The following CDH12 variants were observed in gnomAD, a reference collection of about 807,000 sequenced individuals.
CDH12 encodes the protein cadherin 12, also known as cadherin-12.
A neutral mutation model predicts 74.1 loss-of-function variants in CDH12; 41 were observed. The ratio of observed to expected loss-of-function variants is 0.55; its 90% CI spans 0.43 to 0.72. The LOEUF is 0.72. Ranked by LOEUF, CDH12 falls within the 30% of genes least tolerant of loss-of-function variation. CDH12 has a pLI of 0.00. For synonymous variants in CDH12, 399 were observed against 355.0 expected (o/e 1.12, Z -1.39); for missense variants, 945 against 977.2 (o/e 0.97, Z 0.44).
At chr5:21,913,088 C>T (rs1753934223) in intron 6 of CDH12, among the ~76,000 whole-genome samples, 1 of 152,130 alleles carries the variant, frequency 6.6e-6, no homozygotes, top group African/African-American at 2.4e-5. Context: ...TGTGATCTGC[C>T]GGCCTTGGCC....
At chr5:21,940,009 T>C (rs1482880595) in intron 6 of CDH12, among the ~76,000 whole-genome samples, 1 of 152,050 alleles carries the variant, frequency 6.6e-6, no homozygotes, top group Non-Finnish European at 1.5e-5. Flanking sequence ...CCACTTGAAG[T>C]CAGGAGTTTT....
chr5:22,243,995 G>T (rs2150382356), intron 3 of CDH12, among the ~76,000 whole-genome samples: 1 of 152,174 alleles, frequency 6.6e-6, no homozygotes, highest in East Asian at 1.9e-4. Flanking sequence ...GGATCTTAAA[G>T]AGTCTTGTGT....
intron 1 of CDH12, among the ~76,000 whole-genome samples, chr5:22,539,302 G>C (rs1737995113): frequency 6.6e-6 from 1 of 152,164 alleles, no homozygotes; most frequent in Non-Finnish European, 1.5e-5. Context: ...CACTCAAAGG[G>C]AGACACTTCA....
chr5:22,308,658 A>C (rs1453258849), intron 3 of CDH12, among the ~76,000 whole-genome samples: 1 of 152,194 alleles, frequency 6.6e-6, no homozygotes, highest in Non-Finnish European at 1.5e-5. Context: ...GAGATAATTC[A>C]GGATAATCTC....
At chr5:22,432,610 G>A (rs1247055415) in intron 2 of CDH12, among the ~76,000 whole-genome samples, 1 of 151,874 alleles carries the variant, frequency 6.6e-6, no homozygotes, top group East Asian at 1.9e-4. Context: ...AGTCGTGATT[G>A]ACAAGAATTA....
chr5:22,028,843 G>A (rs1437544002), intron 5 of CDH12, among the ~76,000 whole-genome samples: 8 of 152,034 alleles, frequency 5.3e-5, no homozygotes, highest in South Asian at 4.2e-4. Flanking sequence ...GAGGCATCAC[G>A]CTACCTCACT....
At chr5:22,047,476 C>G (rs1428691546) in intron 5 of CDH12, among the ~76,000 whole-genome samples, 1 of 151,910 alleles carries the variant, frequency 6.6e-6, no homozygotes, top group Non-Finnish European at 1.5e-5. Flanking sequence ...GTCTCCATAC[C>G]TATATTTTAT....
At chr5:21,968,794 G>A (rs771642303) in intron 6 of CDH12, among the ~76,000 whole-genome samples, 1 of 152,058 alleles carries the variant, frequency 6.6e-6, no homozygotes, top group Non-Finnish European at 1.5e-5. Context: ...ATACTATGCC[G>A]CCACAAAAAG....
chr5:21,783,759 A>G (rs1441151954), intron 10 of CDH12, among the ~76,000 whole-genome samples: 6 of 152,168 alleles, frequency 3.9e-5, no homozygotes, highest in African/African-American at 1.2e-4. Context: ...CTAAAATTCT[A>G]AAGCTGACCA....
intron 3 of CDH12, among the ~76,000 whole-genome samples, chr5:22,266,258 T>G (rs1308848377): frequency 6.6e-6 from 1 of 151,952 alleles, no homozygotes; most frequent in Admixed American, 6.6e-5. Context: ...GTATTTTTAG[T>G]AGAGACGGGG....
At chr5:21,824,396 T>A (rs1240458742) in intron 8 of CDH12, among the ~76,000 whole-genome samples, 14 of 152,048 alleles carry the variant, frequency 9.2e-5, no homozygotes, top group African/African-American at 3.4e-4. Flanking sequence ...TGCCTCTGCT[T>A]TGATGGACTA....
At chr5:22,517,438 T>A (rs984213960) in intron 1 of CDH12, among the ~76,000 whole-genome samples, 36 of 152,190 alleles carry the variant, frequency 2.4e-4, no homozygotes, top group Admixed American at 2.3e-3. Flanking sequence ...CTGAAAATAT[T>A]GAAGTTCAAA....
chr5:22,526,697 T>C (rs1178352256), intron 1 of CDH12, among the ~76,000 whole-genome samples: 2 of 152,134 alleles, frequency 1.3e-5, no homozygotes, highest in Non-Finnish European at 2.9e-5. Flanking sequence ...TAGGATATGG[T>C]GGGAATCACT....
At chr5:22,624,349 A>T (rs1738155764) in intron 1 of CDH12, among the ~76,000 whole-genome samples, 1 of 152,198 alleles carries the variant, frequency 6.6e-6, no homozygotes, top group African/African-American at 2.4e-5. Flanking sequence ...AGCAGAAGAA[A>T]CTACCATCGG....
intron 4 of CDH12, chr5:22,212,122 A>G (rs1561225374): frequency 6.6e-6 from 1 of 152,060 alleles, no homozygotes; most frequent in Non-Finnish European, 1.5e-5. Flanking sequence ...TTTTCTTTCC[A>G]TCTGATTTAA....
At chr5:22,723,387 A>C (rs144948989) in intron 1 of CDH12, among the ~76,000 whole-genome samples, 35 of 152,244 alleles carry the variant, frequency 2.3e-4, no homozygotes, top group African/African-American at 8.2e-4. Flanking sequence ...CATTTCTGTA[A>C]TGTGCCCAAT....
chr5:22,220,399 A>C (rs914967523), intron 3 of CDH12, among the ~76,000 whole-genome samples: 2 of 122,142 alleles, frequency 1.6e-5, no homozygotes, highest in Admixed American at 9.0e-5. Flanking sequence ...TGTTTTAGAA[A>C]TATATTTTTG....
intron 5 of CDH12, among the ~76,000 whole-genome samples, chr5:22,047,885 A>G (rs1007532751): frequency 3.3e-5 from 5 of 152,150 alleles, no homozygotes; most frequent in African/African-American, 1.2e-4. Context: ...TCACACAGAG[A>G]CTTCTTAGCT....
intron 1 of CDH12, among the ~76,000 whole-genome samples, chr5:22,522,920 A>C (rs1240678379): frequency 2.0e-5 from 3 of 152,102 alleles, no homozygotes; most frequent in African/African-American, 7.2e-5. Flanking sequence ...TCTTTCACTA[A>C]AAAATTTCTT....
Sources: gnomAD v4.1 joint callset for allele counts (sites outside exome capture counted in the v4.1 genomes callset) on GRCh38, gnomAD v4.1.1 for gene constraint, MANE v1.5 for transcripts, NCBI Gene and HGNC (gene_info 2026-07-23, HGNC 2026-07-21) for gene names.